SLC67A1: variants seen among roughly 807,000 people sequenced by gnomAD.
The protein encoded by SLC67A1 is solute carrier family 67 member A1.
At chr11:2,919,635 G>A in the SLC67A1 span, 2 of 551,096 alleles carry the variant, frequency 3.6e-6, no homozygotes, top group Admixed American at 3.3e-5. Context: ...TGGGCAGCTG[G>A]CTGGGATCTG....
the SLC67A1 span, among the ~76,000 whole-genome samples, chr11:2,908,948 A>G: frequency 6.6e-6 from 1 of 152,148 alleles, no homozygotes; most frequent in Admixed American, 6.5e-5. Flanking sequence ...TTTTACACGG[A>G]GTTGGTCTTT....
chr11:2,905,068 A>C, the SLC67A1 span, among the ~76,000 whole-genome samples: 16 of 152,272 alleles, frequency 1.1e-4, no homozygotes, highest in East Asian at 2.9e-3. Flanking sequence ...GAGGAGAGGG[A>C]AAGATGGGAG....
chr11:2,914,648 A>T, the SLC67A1 span: 2 of 958,654 alleles, frequency 2.1e-6, no homozygotes, highest in Non-Finnish European at 2.5e-6. Context: ...TGGTTTACCC[A>T]CCACCGCTCG....
chr11:2,915,280 CGT>C, the SLC67A1 span: 3,297 of 910,260 alleles, frequency 3.6e-3, no homozygotes, highest in Non-Finnish European at 4.0e-3. Flanking sequence ...CAAGTTTGCC[CGT>C]GTGTGTGTGT....
the SLC67A1 span, among the ~76,000 whole-genome samples, chr11:2,922,819 C>T: frequency 3.3e-5 from 5 of 152,106 alleles, no homozygotes; most frequent in African/African-American, 9.7e-5. Flanking sequence ...GGGGGCTGCC[C>T]GCAGGTGGCA....
At chr11:2,916,602 G>T in the SLC67A1 span, 1 of 1,598,182 alleles carries the variant, frequency 6.3e-7, no homozygotes. Flanking sequence ...ACCCTGTGCA[G>T]CCGAGGCTGT....
chr11:2,925,211 A>G, the SLC67A1 span: 1 of 1,609,038 alleles, frequency 6.2e-7, no homozygotes, highest in South Asian at 1.1e-5. This position sits in a 1 kb window ranked among gnomAD's most constrained non-coding sequence, Gnocchi z 6.5. Flanking sequence ...CTGCCCAGAC[A>G]CAGACTGGCA....
chr11:2,916,621 G>A, the SLC67A1 span: 10 of 1,610,892 alleles, frequency 6.2e-6, no homozygotes, highest in Non-Finnish European at 8.5e-6. Flanking sequence ...GTTGCCCGCA[G>A]GATTCAGTGC....
At chr11:2,914,678 C>T in the SLC67A1 span, 1 of 984,782 alleles carries the variant, frequency 1.0e-6, no homozygotes, top group Non-Finnish European at 1.2e-6. Context: ...CTTCCTGCCA[C>T]CATGCCTTGC....
chr11:2,916,761 C>T, the SLC67A1 span: 6 of 1,599,340 alleles, frequency 3.8e-6, no homozygotes, highest in Non-Finnish European at 4.3e-6. Flanking sequence ...CCAGGTACAC[C>T]CTGCCCAGAT....
the SLC67A1 span, among the ~76,000 whole-genome samples, chr11:2,914,452 G>A: frequency 2.0e-5 from 3 of 152,080 alleles, no homozygotes; most frequent in East Asian, 1.9e-4. Context: ...TCCCACTCCC[G>A]TTTCCCTCCT....
the SLC67A1 span, chr11:2,909,363 C>T: frequency 1.5e-6 from 2 of 1,368,536 alleles, no homozygotes; most frequent in East Asian, 2.9e-5. Flanking sequence ...CCAGGTAGGG[C>T]CGGGGGGACT....
chr11:2,906,994 A>G, the SLC67A1 span, among the ~76,000 whole-genome samples: 1 of 151,938 alleles, frequency 6.6e-6, no homozygotes, highest in African/African-American at 2.4e-5. Context: ...TGTCAGGTCA[A>G]GCTCACAAAC....
chr11:2,921,884 C>T, the SLC67A1 span: 80 of 582,372 alleles, frequency 1.4e-4, no homozygotes, highest in East Asian at 2.1e-3. Flanking sequence ...AGAGGAGCCC[C>T]GACTCCTCAG....
chr11:2,903,646 TAAG>T, the SLC67A1 span: 1 of 763,646 alleles, frequency 1.3e-6, no homozygotes, highest in Non-Finnish European at 2.1e-6. Flanking sequence ...CTGAGTAAGT[TAAG>T]GACTCTGCCT....
chr11:2,922,031 G>T, the SLC67A1 span: 2 of 1,170,184 alleles, frequency 1.7e-6, no homozygotes, highest in East Asian at 2.3e-5. Context: ...AGCTTTGGGG[G>T]CTGGCCACAG....
At chr11:2,907,127 C>T in the SLC67A1 span, among the ~76,000 whole-genome samples, 2 of 150,260 alleles carry the variant, frequency 1.3e-5, no homozygotes, top group South Asian at 2.1e-4. The surrounding 1 kb of genome is among the most constrained non-coding windows in gnomAD (Gnocchi z 6.7). Flanking sequence ...GACTGAAGTG[C>T]TCTGGGGAGA....
At chr11:2,914,409 C>A in the SLC67A1 span, among the ~76,000 whole-genome samples, 3 of 152,124 alleles carry the variant, frequency 2.0e-5, no homozygotes, top group Non-Finnish European at 4.4e-5. Flanking sequence ...CGTGCAGAGG[C>A]CCCAGGGCTG....
chr11:2,908,483 G>T, the SLC67A1 span, among the ~76,000 whole-genome samples: 2 of 152,236 alleles, frequency 1.3e-5, no homozygotes, highest in African/African-American at 4.8e-5. Context: ...GGGTGCAGAA[G>T]AACTTTGGCC....
Sources: allele counts gnomAD v4.1 joint callset (sites outside exome capture counted in the v4.1 genomes callset), GRCh38; gene constraint gnomAD v4.1.1; non-coding constraint Gnocchi (gnomAD v3.1); transcripts MANE v1.5; gene names NCBI Gene and HGNC (gene_info 2026-07-23, HGNC 2026-07-21).